REV3L: variants seen among roughly 807,000 people sequenced by gnomAD.
The protein encoded by REV3L is DNA polymerase zeta catalytic subunit.
In REV3L, 69 loss-of-function variants were observed where a neutral mutation model predicts 299.4. That is an observed-to-expected ratio of 0.23 (90% CI 0.19 to 0.28). REV3L has a LOEUF of 0.28. Ranked by LOEUF, REV3L falls within the 10% of genes least tolerant of loss-of-function variation. The pLI, the probability that REV3L is intolerant of heterozygous loss-of-function variation, is 1.00. For missense variants in REV3L, 3,128 were observed against 3,693.8 expected (o/e 0.85, Z 3.97); for synonymous variants, 1,238 against 1,271.4 (o/e 0.97, Z 0.56).
Position 111,311,279 on chromosome 6 carries a change from G to A in REV3L, c.8605-20C>T. 1.3e-6 allele frequency: 2 copies of A among 1,559,796 alleles called. No homozygotes were observed. Among genetic ancestry groups the A allele is most frequent in the Middle Eastern group, 1.7e-4 (1 of 5,842 alleles). ...AAGTATCTTAAAACAAAAAAGATAT[G>A]CAAGTAAAGATAAAATATCTCCTAG... On this transcript the variant is annotated intron_variant, in intron 28 of 31. Coordinates refer to ENST00000368802, the MANE Select transcript of REV3L (RefSeq NM_001372078.1).
In REV3L at chr6:111,329,745, T is replaced by C. The variant is rs779869402; in HGVS notation, c.8035-7A>G. 1 of 1,604,996 alleles carries C rather than the reference T, an allele frequency of 6.2e-7. No individual in the cohort carries two copies. The highest frequency in any genetic ancestry group is 8.5e-7 in the Non-Finnish European group (1 of 1,175,912). ...CACCTTTTCTTACTGAAGGCTATCATAAAGAAAAAAAATGTTTAAAACCCC... is the reference window on the plus strand; with the variant it reads ...CACCTTTTCTTACTGAAGGCTATCACAAAGAAAAAAAATGTTTAAAACCCC... On this transcript the variant is annotated splice_region_variant and splice_polypyrimidine_tract_variant and intron_variant, in intron 24 of 31. Transcript: ENST00000368802.
chr6:111,375,587 C>T lies in REV3L; in HGVS notation c.2768G>A (p.Arg923His), dbSNP rs867320888. The change falls in exon 13 of 32, where the codon CGC becomes CAC. Residue 923 changes from arginine (R) to histidine (H), a missense_variant. Physicochemically the swap from Arg to His is conservative, Grantham distance 29. Transcript: ENST00000368802. ...YGNKYTLRAKRKVNYETEDSE... is the reference protein window; with the variant it reads ...YGNKYTLRAKHKVNYETEDSE... ...GTCTTCAGTCTCATAATTTACCTTG[C>T]GTTTGGCTCTAAGTGTGTATTTATT... The T allele has an allele frequency of 9.3e-6, 15 of 1,613,634 alleles. No homozygotes were observed. The highest frequency in any genetic ancestry group is 5.3e-5 in the African/African-American group (4 of 74,882).
chr6:111,329,514 C>T lies in REV3L; in HGVS notation c.8241+18G>A. The T allele has an allele frequency of 1.9e-6, 3 of 1,611,608 alleles. No individual in the cohort carries two copies. Among genetic ancestry groups the T allele is most frequent in the South Asian group, 1.1e-5 (1 of 91,044 alleles). On this transcript the variant is annotated intron_variant, in intron 25 of 31. Transcript: ENST00000368802. ...ATTTTAGTCTCTTTTGAAAAAACTA[C>T]AGATTTGTATCACTTACCTCAATGC...
chr6:111,360,835 AAAAC>A (rs1421738640), intron 16 of REV3L: 19 of 152,246 alleles, frequency 1.2e-4, no homozygotes, highest in African/African-American at 4.6e-4. Context: ...GCATAATAAT[AAAAC>A]AAATACAAAT....
rs868583989 is a variant in REV3L, at chr6:111,437,838, C to T, written c.140-21366G>A. 2.0e-5 allele frequency among the ~76,000 whole-genome samples: 3 copies of T among 151,894 alleles called. No individual in the cohort carries two copies. In the South Asian group the frequency reaches 6.2e-4, roughly 32 times the overall value. On this transcript the variant is annotated intron_variant, in intron 1 of 31. Transcript: ENST00000368802. Reference sequence around the variant, plus strand: ...ATAGGTAAAATGTATAGTATGTGAACTACATCTCAATAAACTTACATAATT... The same window carrying T: ...ATAGGTAAAATGTATAGTATGTGAATTACATCTCAATAAACTTACATAATT...
chr6:111,351,859 T>C (rs1481743908), intron 18 of REV3L, 68 bp from the exon 19 acceptor site: 25 of 1,063,616 alleles, frequency 2.4e-5, no homozygotes, highest in Non-Finnish European at 3.4e-5. Context: ...AATAATTGTT[T>C]CTTCATGATA....
At chr6:111,467,644 G>A (rs1399450487) in intron 1 of REV3L, among the ~76,000 whole-genome samples, 2 of 152,166 alleles carry the variant, frequency 1.3e-5, no homozygotes, top group African/African-American at 4.8e-5. Context: ...AAATAATACA[G>A]TATCACAACT....
At chr6:111,348,144 G>A (rs987710772) in intron 20 of REV3L, among the ~76,000 whole-genome samples, 2 of 151,858 alleles carry the variant, frequency 1.3e-5, no homozygotes, top group Non-Finnish European at 2.9e-5. Context: ...ACAAGGTCTC[G>A]CTATGTTACC....
At chr6:111,399,949 C>G (rs1021098931) in intron 4 of REV3L, among the ~76,000 whole-genome samples, 1 of 152,202 alleles carries the variant, frequency 6.6e-6, no homozygotes, top group African/African-American at 2.4e-5. Context: ...ACCCTAACAA[C>G]TAATAGTCCA....
intron 20 of REV3L, among the ~76,000 whole-genome samples, chr6:111,345,074 A>C (rs1776893438): frequency 6.6e-6 from 1 of 152,238 alleles, no homozygotes. Context: ...CAATAGAATG[A>C]GGAAAAGGCC....
At chr6:111,412,122 G>C (rs1285372504) in intron 2 of REV3L, 9 of 985,272 alleles carry the variant, frequency 9.1e-6, no homozygotes, top group Non-Finnish European at 9.6e-6. Context: ...CCTATTATAT[G>C]TACACACAGC....
chr6:111,374,015 G>C lies in REV3L; in HGVS notation c.4340C>G (p.Thr1447Arg). 1.2e-6 allele frequency: 2 copies of C among 1,614,146 alleles called. No individual in the cohort carries two copies. Among genetic ancestry groups the C allele is most frequent in the South Asian group, 2.2e-5 (2 of 91,082 alleles). ...KHSETCSPGN[T>R]ASEESQMPNN... ...AGGCATTTGGCTTTCCTCTGAAGCT[G>C]TATTTCCCGGAGAACAAGTTTCACT... Residue 1447 changes from threonine (T) to arginine (R), a missense_variant, in exon 13 of 32, where the codon ACA becomes AGA. Physicochemically the swap from Thr to Arg is moderately conservative, Grantham distance 71. Coordinates refer to ENST00000368802, the MANE Select transcript of REV3L (RefSeq NM_001372078.1).
intron 1 of REV3L, among the ~76,000 whole-genome samples, chr6:111,422,663 C>T (rs796384779): frequency 0.11 from 1,891 of 17,584 alleles, 441 homozygotes; most frequent in Non-Finnish European, 0.25. Flanking sequence ...TATATATATA[C>T]ATATATATAT....
Position 111,422,641 on chromosome 6 carries a change from TATATATAC to T in REV3L, c.140-6177_140-6170del, listed in dbSNP as rs1785621882. On this transcript the variant is annotated intron_variant, in intron 1 of 31. Coordinates refer to ENST00000368802, the MANE Select transcript of REV3L (RefSeq NM_001372078.1). ...ATATATATATATATACACATATATA[TATATATAC>T]ATATATATATATACATATATATATA... 3.2e-4 allele frequency among the ~76,000 whole-genome samples: 8 copies of T among 25,064 alleles called. 2 individuals carry two copies. The highest frequency in any genetic ancestry group is 7.7e-4 in the East Asian group (1 of 1,300). The allele number at this position is 25,064 out of a possible 152,430, so 16.4% of individuals were successfully genotyped here. A position where few individuals can be genotyped will look rare whatever the true frequency, so the allele number is the denominator to read the frequency against.
At chr6:111,412,280 T>C (rs1784326580) in intron 2 of REV3L, 6 of 985,140 alleles carry the variant, frequency 6.1e-6, no homozygotes, top group Non-Finnish European at 7.2e-6. Context: ...GGCTGAGTTT[T>C]TTCTCGGGGT....
In REV3L at chr6:111,421,379, G is replaced by A. The variant is rs138694211; in HGVS notation, c.140-4907C>T. Among the ~76,000 whole-genome samples, 1,295 of 152,278 alleles carry A rather than the reference G, an allele frequency of 8.5e-3. 13 individuals carry two copies. The highest frequency in any genetic ancestry group is 0.012 in the Non-Finnish European group (795 of 68,018). ...TGAAAACTTTTTCTGGAAGGTGACA[G>A]TAAATATTTTAGGCTTTATGGGACA... On this transcript the variant is annotated intron_variant, in intron 1 of 31. Transcript: ENST00000368802.
intron 18 of REV3L, among the ~76,000 whole-genome samples, chr6:111,354,766 T>C (rs1314070708): frequency 6.6e-6 from 1 of 152,164 alleles, no homozygotes; most frequent in Non-Finnish European, 1.5e-5. Context: ...ATGGGATTAG[T>C]GGTGAAAACA....
At chr6:111,474,988 T>TATATAC (rs151075609) in intron 1 of REV3L, among the ~76,000 whole-genome samples, 2,395 of 145,854 alleles carry the variant, frequency 0.016, 19 homozygotes, top group Admixed American at 0.028. Flanking sequence ...TGCCTATATA[T>TATATAC]ACACACACAC....
chr6:111,373,176 T>C lies in REV3L; in HGVS notation c.5179A>G (p.Ile1727Val). ...WIRSGTLSPE[I>V]FEKSTIDSNE... ...CTATCTATGGTTGACTTCTCAAAAA[T>C]TTCAGGACTTAAAGTACCAGATCTA... is the stretch of plus-strand genomic sequence containing the variant. The change falls in exon 13 of 32, where the codon ATT (isoleucine) becomes GTT (valine). Residue 1727 changes from isoleucine (I) to valine (V), a missense_variant. Transcript: ENST00000368802. 6.2e-7 allele frequency: 1 copy of C among 1,614,132 alleles called. No individual in the cohort carries two copies. The highest frequency in any genetic ancestry group is 8.5e-7 in the Non-Finnish European group (1 of 1,179,996).
Sources: gnomAD v4.1 joint callset for allele counts (sites outside exome capture counted in the v4.1 genomes callset) on GRCh38, gnomAD v4.1.1 for gene constraint, MANE v1.5 for transcripts, NCBI Gene and HGNC (gene_info 2026-07-23, HGNC 2026-07-21) for gene names.